The following CRISP1 variants were observed in gnomAD, a reference collection of about 807,000 sequenced individuals.
The protein encoded by CRISP1 is cysteine-rich secretory protein 1.
CRISP1 carries 44 observed loss-of-function variants against 33.1 expected under a neutral mutation model. The observed-to-expected ratio is 1.33, with a 90% CI of 1.05 to 1.71. The LOEUF is 1.71. Ranked by LOEUF, CRISP1 falls within the 40% of genes most tolerant of loss-of-function variation. The pLI is 0.00. For missense variants in CRISP1, 390 were observed against 301.2 expected (o/e 1.29, Z -2.18); for synonymous variants, 103 against 98.7 (o/e 1.04, Z -0.26).
At position 49,861,183 on chromosome 6, in the gene CRISP1, A is replaced by G. The variant is rs146915266; in HGVS notation, c.-2-3781T>C. On this transcript the variant is annotated intron_variant, in intron 1 of 7. Coordinates refer to ENST00000335847, the MANE Select transcript of CRISP1 (RefSeq NM_001131.3). ...AATCTTCAAAGATGAACTAACACCT[A>G]TTCTTCTCAAACAATTCCAAAAAAA... 3.3e-3 allele frequency among the ~76,000 whole-genome samples: 508 copies of G among 152,280 alleles called. 4 individuals carry two copies. Among genetic ancestry groups the G allele is most frequent in the African/African-American group, 0.012 (488 of 41,578 alleles).
rs1770965632 is a variant in CRISP1 at position 49,840,935 on chromosome 6, A to G, written c.496T>C (p.Ser166Pro). Reference sequence around the variant, plus strand: ...TGACAAACGTAGAGATATCGAGGTGATCCTTGTTGGCGGCAAGATGCAATG... The same window carrying G: ...TGACAAACGTAGAGATATCGAGGTGGTCCTTGTTGGCGGCAAGATGCAATG... ...CAIASCRQQG[S>P]PRYLYVCHYC... is the part of the protein sequence containing the mutation. The change falls in exon 6 of 8, where the codon TCA (serine) becomes CCA (proline). Residue 166 changes from serine (S) to proline (P), a missense_variant. Physicochemically the swap from Ser to Pro is moderately conservative, Grantham distance 74. Coordinates refer to ENST00000335847, the MANE Select transcript of CRISP1 (RefSeq NM_001131.3). 1 of 1,613,868 alleles carries G rather than the reference A, an allele frequency of 6.2e-7. No individual in the cohort carries two copies. The highest frequency in any genetic ancestry group is 1.3e-5 in the African/African-American group (1 of 74,942).
At chr6:49,858,960 G>A (rs1023651572) in intron 1 of CRISP1, among the ~76,000 whole-genome samples, 1 of 152,132 alleles carries the variant, frequency 6.6e-6, no homozygotes, top group Middle Eastern at 3.4e-3. Flanking sequence ...AAGCAAAAAA[G>A]GAGAGAAAAA....
At position 49,857,896 on chromosome 6, in the gene CRISP1, G is replaced by A. The variant is rs75667249; in HGVS notation, c.-2-494C>T. On this transcript the variant is annotated intron_variant, in intron 1 of 7. Transcript: ENST00000335847. The stretch of plus-strand genomic sequence containing the variant: ...GGAATATGGATAGCCTCTGGAAGCA[G>A]GAAAAGGTAAGGAAACAGATTCTCC... 7.2e-5 allele frequency among the ~76,000 whole-genome samples: 11 copies of A among 152,272 alleles called. No homozygotes were observed. The East Asian group carries it at 2.1e-3, about 29-fold the overall frequency.
chr6:49,835,310 A>C lies in CRISP1; in HGVS notation c.*6T>G. The C allele has an allele frequency of 6.2e-7, 1 of 1,613,474 alleles. No individual in the cohort carries two copies. Among genetic ancestry groups the C allele is most frequent in the Non-Finnish European group, 8.5e-7 (1 of 1,179,686 alleles). ...ACAGCATAGAACAGTTGAAAATAAC[A>C]AAGACCTATTTTATCTCAGTGTCAC... On this transcript the variant is annotated 3_prime_UTR_variant, in exon 8 of 8. Coordinates refer to ENST00000335847, the MANE Select transcript of CRISP1 (RefSeq NM_001131.3).
intron 5 of CRISP1, among the ~76,000 whole-genome samples, chr6:49,843,608 AG>A (rs747422431): frequency 3.9e-5 from 6 of 152,212 alleles, no homozygotes; most frequent in Non-Finnish European, 8.8e-5. Flanking sequence ...TAAGTCATTC[AG>A]GAATGTGATA....
At chr6:49,870,451 G>A (rs1338599420), upstream of CRISP1, among the ~76,000 whole-genome samples, 1 of 152,106 alleles carries the variant, frequency 6.6e-6, no homozygotes, top group Non-Finnish European at 1.5e-5. Flanking sequence ...GAAAGTGAGG[G>A]AGCTGTGTGG....
intron 4 of CRISP1, 50 bp from the exon 5 acceptor site, chr6:49,846,718 T>C (rs770955633): frequency 2.6e-5 from 41 of 1,561,438 alleles, no homozygotes; most frequent in Non-Finnish European, 3.4e-5. Context: ...TGGGAAATAG[T>C]ATACAAGGAG....
At chr6:49,843,866 G>A (rs1341335453) in intron 5 of CRISP1, among the ~76,000 whole-genome samples, 4 of 152,134 alleles carry the variant, frequency 2.6e-5, no homozygotes. Context: ...CTTGGAAATT[G>A]GAAGAAAGGT....
chr6:49,873,955 A>T (rs1354419162), intron 1 of CRISP1, among the ~76,000 whole-genome samples: 1 of 152,104 alleles, frequency 6.6e-6, no homozygotes, highest in Non-Finnish European at 1.5e-5. Context: ...ATTCCTAATT[A>T]GTTGATTGGT....
chr6:49,845,707 C>CAAAA (rs111269611), intron 5 of CRISP1, among the ~76,000 whole-genome samples: 1 of 145,390 alleles, frequency 6.9e-6, no homozygotes, highest in Non-Finnish European at 1.5e-5. Flanking sequence ...TCACAATAGC[C>CAAAA]AAAAAAAAAA....
intron 2 of CRISP1, among the ~76,000 whole-genome samples, chr6:49,856,641 TA>T (rs1050024559): frequency 6.6e-6 from 1 of 152,182 alleles, no homozygotes; most frequent in African/African-American, 2.4e-5. Context: ...TACGAAAATA[TA>T]AAAACCACTC....
chr6:49,841,005 T>A lies in CRISP1; in HGVS notation c.436-10A>T, dbSNP rs547343690. The stretch of plus-strand genomic sequence containing the variant: ...ATGTGGCCCAAACAATCTGCAATGA[T>A]AAAGAGTTGTTTTATTACAGATTAA... On this transcript the variant is annotated splice_polypyrimidine_tract_variant and intron_variant, in intron 5 of 7. Coordinates refer to ENST00000335847, the MANE Select transcript of CRISP1 (RefSeq NM_001131.3). The A allele has an allele frequency of 3.7e-6, 6 of 1,605,062 alleles. No homozygotes were observed. The highest frequency in any genetic ancestry group is 4.3e-6 in the Non-Finnish European group (5 of 1,172,274).
At chr6:49,841,947 G>A (rs936139852) in intron 5 of CRISP1, among the ~76,000 whole-genome samples, 9 of 152,170 alleles carry the variant, frequency 5.9e-5, no homozygotes, top group Admixed American at 5.9e-4. Context: ...CAGTAAGTGT[G>A]ATTGTTCTCA....
At chr6:49,835,552 C>A (rs926670204) in intron 7 of CRISP1, 109 bp from the exon 8 acceptor site, 3 of 1,063,574 alleles carry the variant, frequency 2.8e-6, no homozygotes, top group Non-Finnish European at 4.0e-6. Context: ...TTAACAATTG[C>A]TAACTAAATT....
chr6:49,871,530 C>A (rs1297162834), upstream of CRISP1, among the ~76,000 whole-genome samples: 1 of 147,768 alleles, frequency 6.8e-6, no homozygotes, highest in Non-Finnish European at 1.5e-5. Context: ...AGGGATAAGC[C>A]AAATGCTATC....
rs1399194651 is a variant in CRISP1, at chr6:49,834,448, C to T, written c.*868G>A. ...GTTAGTTGGCCTTAACTGTGCTCTT[C>T]CATTGTGTTGAAATAATCATAACCT... On this transcript the variant is annotated 3_prime_UTR_variant, in exon 8 of 8. Transcript: ENST00000335847. The T allele has an allele frequency of 2.0e-5, 3 of 152,084 alleles. No homozygotes were observed. The highest frequency in any genetic ancestry group is 4.8e-5 in the African/African-American group (2 of 41,424). The allele number at this position is 152,084 out of a possible 1,614,324, so 9.4% of individuals were successfully genotyped here.
In CRISP1 at chr6:49,852,044, A is replaced by C. The variant is rs201684630; in HGVS notation, c.152T>G (p.Leu51Arg). 2.5e-6 allele frequency: 4 copies of C among 1,612,568 alleles called. No individual in the cohort carries two copies. The highest frequency in any genetic ancestry group is 2.5e-6 in the Non-Finnish European group (3 of 1,179,334). Reference sequence around the variant, plus strand: ...GGCTGGTGGAACTACTCTTCTCCTGAGGGCGTTGTGTATATTAACGATCTC... The same window carrying C: ...GGCTGGTGGAACTACTCTTCTCCTGCGGGCGTTGTGTATATTAACGATCTC... ...QEEIVNIHNALRRRVVPPASN... is the reference protein window; with the variant it reads ...QEEIVNIHNARRRRVVPPASN... Residue 51 changes from leucine (L) to arginine (R), a missense_variant, in exon 3 of 8, where the codon CTC (leucine) becomes CGC (arginine). Transcript: ENST00000335847.
chr6:49,869,158 T>C (rs193248212), upstream of CRISP1, among the ~76,000 whole-genome samples: 34 of 152,308 alleles, frequency 2.2e-4, no homozygotes, highest in Admixed American at 1.0e-3. Flanking sequence ...ATTTGGTTTA[T>C]GGTGCCTCAT....
At chr6:49,867,903 C>G (rs2127478912), upstream of CRISP1, among the ~76,000 whole-genome samples, 1 of 152,228 alleles carries the variant, frequency 6.6e-6, no homozygotes, top group African/African-American at 2.4e-5. Flanking sequence ...AAAAAGAAAG[C>G]TGCAAAAGAA....
Sources: gnomAD v4.1 joint callset for allele counts (sites outside exome capture counted in the v4.1 genomes callset) on GRCh38, gnomAD v4.1.1 for gene constraint, MANE v1.5 for transcripts, NCBI Gene and HGNC (gene_info 2026-07-23, HGNC 2026-07-21) for gene names.